The following TRIM75 variants were observed in gnomAD, a reference collection of about 807,000 sequenced individuals.
TRIM75 encodes the protein tripartite motif containing 75, also known as tripartite motif-containing protein 75.
the TRIM75 span, among the ~76,000 whole-genome samples, chr4:165,058,339 T>A: frequency 1.6e-4 from 24 of 151,952 alleles, no homozygotes; most frequent in African/African-American, 3.1e-4. Flanking sequence ...CAACTAATTT[T>A]TTTTTTATTT....
the TRIM75 span, chr4:165,060,159 G>GTTTTTTCCGTATTTTCA: frequency 5.1e-6 from 4 of 780,930 alleles, no homozygotes; most frequent in Non-Finnish European, 9.6e-6. Context: ...CAAGCCAGTT[G>GTTTTTTCCGTATTTTCA]TTCTGGGTTT....
At chr4:165,057,753 C>T in the TRIM75 span, among the ~76,000 whole-genome samples, 2 of 152,050 alleles carry the variant, frequency 1.3e-5, no homozygotes, top group African/African-American at 2.4e-5. Flanking sequence ...AGGCTGGTCT[C>T]AAACTCCTGA....
chr4:165,059,474 G>A, the TRIM75 span: 4 of 780,808 alleles, frequency 5.1e-6, no homozygotes, highest in African/African-American at 6.8e-5. Flanking sequence ...TTTTCTGCAA[G>A]GAGGACCTGA....
the TRIM75 span, chr4:165,059,408 T>C: frequency 3.3e-5 from 26 of 780,546 alleles, no homozygotes; most frequent in Middle Eastern, 4.5e-4. Flanking sequence ...CCAAGAGTAA[T>C]AAAAGGAAGC....
the TRIM75 span, among the ~76,000 whole-genome samples, chr4:165,055,646 G>GA: frequency 1.6e-4 from 24 of 152,174 alleles, no homozygotes; most frequent in Non-Finnish European, 3.1e-4. Context: ...GATGAGGCCA[G>GA]AGGGGAAGCC....
At chr4:165,059,567 T>C in the TRIM75 span, 6 of 780,876 alleles carry the variant, frequency 7.7e-6, no homozygotes, top group Non-Finnish European at 1.4e-5. Flanking sequence ...CCATTCATTA[T>C]AGGAAAAGAT....
At chr4:165,054,034 G>C in the TRIM75 span, among the ~76,000 whole-genome samples, 1 of 152,106 alleles carries the variant, frequency 6.6e-6, no homozygotes, top group African/African-American at 2.4e-5. Flanking sequence ...TCTGTGCCTA[G>C]AGGGAGCTTG....
At chr4:165,058,346 A>T in the TRIM75 span, among the ~76,000 whole-genome samples, 2 of 150,642 alleles carry the variant, frequency 1.3e-5, no homozygotes, top group African/African-American at 2.5e-5. Flanking sequence ...TTTTTTTTTT[A>T]TTTTTTTATT....
the TRIM75 span, chr4:165,060,368 G>A: frequency 5.1e-6 from 4 of 780,922 alleles, no homozygotes; most frequent in Non-Finnish European, 9.6e-6. Context: ...TGTTGTTAGA[G>A]GTGAAAGCCA....
the TRIM75 span, chr4:165,059,718 A>G: frequency 2.6e-6 from 2 of 780,824 alleles, no homozygotes; most frequent in Non-Finnish European, 4.8e-6. Context: ...TGAGCACCTC[A>G]ACCAGTTTTT....
chr4:165,060,402 T>A, the TRIM75 span: 3 of 780,836 alleles, frequency 3.8e-6, no homozygotes, highest in Admixed American at 5.1e-5. Flanking sequence ...TTTCCTGGAC[T>A]ATGAGATGGG....
At chr4:165,058,462 T>C in the TRIM75 span, among the ~76,000 whole-genome samples, 2 of 152,206 alleles carry the variant, frequency 1.3e-5, no homozygotes, top group Non-Finnish European at 2.9e-5. Flanking sequence ...ATTTACCTGA[T>C]TCCAAGAATT....
chr4:165,060,549 G>A, the TRIM75 span: 1 of 742,184 alleles, frequency 1.3e-6, no homozygotes, highest in South Asian at 1.5e-5. Context: ...GACAGTTTGT[G>A]AATGAAAACC....
At chr4:165,060,090 C>G in the TRIM75 span, 1 of 780,764 alleles carries the variant, frequency 1.3e-6, no homozygotes, top group East Asian at 2.4e-5. Context: ...AGATAAAAAA[C>G]GTGTGAGATT....
the TRIM75 span, among the ~76,000 whole-genome samples, chr4:165,057,674 G>C: frequency 6.6e-6 from 1 of 152,170 alleles, no homozygotes; most frequent in Non-Finnish European, 1.5e-5. Context: ...GCTATTACAG[G>C]CATGTGCCCC....
At chr4:165,056,748 G>A in the TRIM75 span, among the ~76,000 whole-genome samples, 1 of 151,412 alleles carries the variant, frequency 6.6e-6, no homozygotes, top group African/African-American at 2.4e-5. Context: ...CCAAGTAGCT[G>A]GGATTATAGG....
chr4:165,059,512 C>T, the TRIM75 span: 3 of 780,878 alleles, frequency 3.8e-6, no homozygotes, highest in South Asian at 4.0e-5. Context: ...TGCACTCAGC[C>T]CCCTGACCAC....
the TRIM75 span, among the ~76,000 whole-genome samples, chr4:165,056,663 G>A: frequency 2.3e-5 from 3 of 130,204 alleles, no homozygotes; most frequent in Admixed American, 9.7e-5. Context: ...TGCCCAGGCT[G>A]GTGTGCAATG....
At chr4:165,059,495 T>A in the TRIM75 span, 1 of 780,876 alleles carries the variant, frequency 1.3e-6, no homozygotes, top group South Asian at 1.3e-5. Flanking sequence ...TGGTGTTGTG[T>A]CCGCTGTGCA....
Sources: allele counts gnomAD v4.1 joint callset (sites outside exome capture counted in the v4.1 genomes callset), GRCh38; gene constraint gnomAD v4.1.1; transcripts MANE v1.5; gene names NCBI Gene and HGNC (gene_info 2026-07-23, HGNC 2026-07-21).